Variants in GATAD2B observed in about 807,000 individuals in gnomAD.
GATAD2B encodes GATA zinc finger domain containing 2B.
GATAD2B carries 8 observed loss-of-function variants against 64.3 expected under a neutral mutation model. The ratio of observed to expected loss-of-function variants is 0.12; its 90% CI spans 0.07 to 0.22. The LOEUF (loss-of-function observed/expected upper bound fraction) is 0.22, where lower values mean the gene tolerates loss of function less well. Ranked by LOEUF, GATAD2B falls within the 10% of genes least tolerant of loss-of-function variation. The probability of loss-of-function intolerance (pLI) is 1.00; values close to 1 mark genes in which losing one functional copy is unlikely to be tolerated. For missense variants in GATAD2B, 453 were observed against 752.0 expected, an observed-to-expected ratio of 0.60 and a Z score of 4.65; for synonymous variants, 281 against 271.3, an observed-to-expected ratio of 1.04 and a Z score of -0.35.
chr1:153,916,882 C>T (rs1247408911), intron 1 of GATAD2B, among the ~76,000 whole-genome samples: 30 of 152,162 alleles, frequency 2.0e-4, no homozygotes, highest in Non-Finnish European at 7.3e-5. Context: ...AATCTCGGCT[C>T]ACTGCAACCT....
chr1:153,854,887 C>T (rs540944457), intron 1 of GATAD2B, among the ~76,000 whole-genome samples: 1 of 152,180 alleles, frequency 6.6e-6, no homozygotes, highest in Non-Finnish European at 1.5e-5. Flanking sequence ...AACATGGAAA[C>T]AATCTGACAA....
chr1:153,849,737 T>C (rs946486086), intron 1 of GATAD2B, among the ~76,000 whole-genome samples: 1 of 152,256 alleles, frequency 6.6e-6, no homozygotes, highest in Non-Finnish European at 1.5e-5. Flanking sequence ...TTCAAGCGAT[T>C]CTCCTGCCTC....
chr1:153,818,284 GA>G, intron 4 of GATAD2B, 113 bp from the exon 5 acceptor site: 2 of 787,062 alleles, frequency 2.5e-6, no homozygotes, highest in East Asian at 3.1e-5. Context: ...CAATCAGGAG[GA>G]AAAACCAGAA....
chr1:153,812,752 G>T (rs1674337536), intron 8 of GATAD2B, among the ~76,000 whole-genome samples: 1 of 152,174 alleles, frequency 6.6e-6, no homozygotes, highest in Non-Finnish European at 1.5e-5. Context: ...GAAATAGGAA[G>T]AAAAGGATCT....
At chr1:153,892,955 A>G (rs928198942) in intron 1 of GATAD2B, among the ~76,000 whole-genome samples, 1 of 152,116 alleles carries the variant, frequency 6.6e-6, no homozygotes, top group Non-Finnish European at 1.5e-5. Flanking sequence ...GGCCTCCCAA[A>G]GTGCTGGGAT....
chr1:153,915,503 T>C (rs1678234604), intron 1 of GATAD2B, among the ~76,000 whole-genome samples: 1 of 151,924 alleles, frequency 6.6e-6, no homozygotes, highest in Non-Finnish European at 1.5e-5. Context: ...TTTGGGCAAG[T>C]CAGGGAAGGT....
intron 1 of GATAD2B, among the ~76,000 whole-genome samples, chr1:153,886,791 C>T (rs1170441242): frequency 1.3e-5 from 2 of 151,798 alleles, no homozygotes; most frequent in Non-Finnish European, 2.9e-5. Flanking sequence ...AATCTTCTGA[C>T]CTCATGATCC....
chr1:153,846,264 A>G (rs1454031192), intron 1 of GATAD2B, among the ~76,000 whole-genome samples: 8 of 151,924 alleles, frequency 5.3e-5, no homozygotes, highest in Non-Finnish European at 1.2e-4. Flanking sequence ...AGACAGTCTC[A>G]CTCTGTCACC....
chr1:153,913,917 C>G (rs969780470), intron 1 of GATAD2B, among the ~76,000 whole-genome samples: 2 of 100,134 alleles, frequency 2.0e-5, no homozygotes, highest in Admixed American at 2.0e-4. Flanking sequence ...AAGACTCTGT[C>G]AAAAAAAAAA....
chr1:153,828,486 A>G (rs1000690437), intron 1 of GATAD2B, 138 bp from the exon 2 acceptor site: 2 of 617,530 alleles, frequency 3.2e-6, no homozygotes, highest in African/African-American at 3.7e-5. Flanking sequence ...ACACACACAC[A>G]CACACAAAGT....
At position 153,828,170 on chromosome 1, in the gene GATAD2B, G is replaced by C. The variant is rs1175749551; in HGVS notation, c.178C>G (p.Pro60Ala). ...TCCTGTTTGGTGGGTAACTCATGTG[G>C]CACCTCAAGATTTGCCAAATCCTTC... Reference protein sequence around the residue: ...KRKDLANLEVPHELPTKQDGS... With the variant: ...KRKDLANLEVAHELPTKQDGS... The change falls in exon 2 of 11, where the codon CCA (proline) becomes GCA (alanine). Residue 60 changes from proline (P) to alanine (A), a missense_variant. Pro to Ala is a conservative substitution (Grantham distance 27). Around this residue, in one of 2 missense-constraint regions of GATAD2B, gnomAD observed 293 missense variants for 417.2 expected, o/e 0.70. Coordinates refer to ENST00000368655, the MANE Select transcript of GATAD2B (RefSeq NM_020699.4). 1 of 1,614,124 alleles carries C rather than the reference G, an allele frequency of 6.2e-7. No homozygotes were observed. The highest frequency in any genetic ancestry group is 1.7e-5 in the Admixed American group (1 of 60,012).
chr1:153,899,926 A>G (rs1455140139), intron 1 of GATAD2B, among the ~76,000 whole-genome samples: 2 of 152,198 alleles, frequency 1.3e-5, no homozygotes, highest in Non-Finnish European at 2.9e-5. Flanking sequence ...ATATACTTAA[A>G]TGTGTAAAGA....
At chr1:153,841,249 G>C (rs1246274769) in intron 1 of GATAD2B, among the ~76,000 whole-genome samples, 1 of 151,956 alleles carries the variant, frequency 6.6e-6, no homozygotes, top group Non-Finnish European at 1.5e-5. Flanking sequence ...TCACCAGCAG[G>C]ATATCAACAT....
At chr1:153,840,702 T>G (rs1223331471) in intron 1 of GATAD2B, among the ~76,000 whole-genome samples, 1 of 152,230 alleles carries the variant, frequency 6.6e-6, no homozygotes, top group Admixed American at 6.5e-5. Context: ...CTAAAAACTT[T>G]GAAGTAAATA....
intron 1 of GATAD2B, among the ~76,000 whole-genome samples, chr1:153,857,621 G>A (rs1676134222): frequency 6.6e-6 from 1 of 152,114 alleles, no homozygotes; most frequent in Non-Finnish European, 1.5e-5. Context: ...AAGTTAGAAA[G>A]TGGGAGGTAA....
At chr1:153,860,425 C>T (rs1442675965) in intron 1 of GATAD2B, among the ~76,000 whole-genome samples, 2 of 151,880 alleles carry the variant, frequency 1.3e-5, no homozygotes, top group Non-Finnish European at 2.9e-5. Context: ...ACCTTGAACT[C>T]CTAGGGTTAG....
intron 1 of GATAD2B, among the ~76,000 whole-genome samples, chr1:153,829,214 C>CA (rs996564837): frequency 4.9e-4 from 72 of 148,248 alleles, no homozygotes; most frequent in African/African-American, 1.5e-3. Flanking sequence ...CAGGAAACAA[C>CA]AAAAAAAAAA....
intron 1 of GATAD2B, among the ~76,000 whole-genome samples, chr1:153,921,425 C>A (rs946896163): frequency 3.3e-5 from 5 of 152,204 alleles, no homozygotes; most frequent in African/African-American, 1.2e-4. Flanking sequence ...ATCAGCTCTT[C>A]TCCAACACAG....
At chr1:153,843,544 G>T (rs1191553749) in intron 1 of GATAD2B, among the ~76,000 whole-genome samples, 1 of 152,068 alleles carries the variant, frequency 6.6e-6, no homozygotes, top group Admixed American at 6.6e-5. Flanking sequence ...CAAAGCACCA[G>T]GATTACAGGT....
Sources: allele counts gnomAD v4.1 joint callset (sites outside exome capture counted in the v4.1 genomes callset), GRCh38; gene constraint gnomAD v4.1.1; regional missense constraint gnomAD v4.1.1; transcripts MANE v1.5; gene names NCBI Gene and HGNC (gene_info 2026-07-23, HGNC 2026-07-21).